GATC: variants seen among roughly 807,000 people sequenced by gnomAD.
GATC encodes glutamyl-tRNA amidotransferase subunit C.
Under a neutral mutation model 14.4 loss-of-function variants are expected in GATC, and 11 were observed. The ratio of observed to expected loss-of-function variants is 0.77; its 90% CI spans 0.48 to 1.27. GATC has a LOEUF of 1.27. Ranked by LOEUF, GATC falls within the 50% of genes most tolerant of loss-of-function variation. The pLI is 0.00. For missense variants in GATC, 204 were observed against 183.0 expected (o/e 1.11, Z -0.66); for synonymous variants, 76 against 79.3 (o/e 0.96, Z 0.22).
intron 3 of GATC, among the ~76,000 whole-genome samples, chr12:120,457,956 C>T (rs115839456): frequency 0.019 from 2,884 of 152,190 alleles, 92 homozygotes; most frequent in African/African-American, 0.065. Context: ...ATGATTCAAA[C>T]GCCATTAGGG....
intron 3 of GATC, among the ~76,000 whole-genome samples, chr12:120,458,921 C>T (rs542810386): frequency 2.0e-5 from 3 of 152,270 alleles, no homozygotes; most frequent in East Asian, 1.9e-4. Context: ...AGTGCAGTGG[C>T]GCGATCTCGG....
chr12:120,451,429 G>A (rs1878040656), intron 2 of GATC, among the ~76,000 whole-genome samples: 1 of 151,944 alleles, frequency 6.6e-6, no homozygotes, highest in Non-Finnish European at 1.5e-5. Flanking sequence ...GGGCGACAGA[G>A]TGAGACTCCG....
intron 2 of GATC, among the ~76,000 whole-genome samples, chr12:120,448,765 C>A (rs1163565874): frequency 6.7e-6 from 1 of 149,644 alleles, no homozygotes; most frequent in African/African-American, 2.5e-5. Flanking sequence ...CTTGCCTCAG[C>A]CTCCCGAGTA....
In GATC at chr12:120,459,895, AT is replaced by A. The variant is rs1804727309; in HGVS notation, c.359-8del. 6.2e-7 allele frequency: 1 copy of A among 1,607,092 alleles called. No homozygotes were observed. Among genetic ancestry groups the A allele is most frequent in the Admixed American group, 1.7e-5 (1 of 59,814 alleles). On this transcript the variant is annotated splice_polypyrimidine_tract_variant and intron_variant, in intron 3 of 3. Transcript: ENST00000551765. ...AAACAAACAAAAATTCTCTTTTGTTATTTTCAAACAGGTAATATCTCTTTGC... is the reference window on the plus strand; with the variant it reads ...AAACAAACAAAAATTCTCTTTTGTTATTTCAAACAGGTAATATCTCTTTGC...
intron 2 of GATC, among the ~76,000 whole-genome samples, chr12:120,449,920 G>A (rs1180604640): frequency 1.3e-5 from 2 of 151,892 alleles, no homozygotes; most frequent in Non-Finnish European, 2.9e-5. Context: ...ACGCCACCAC[G>A]CCCAGCTAAT....
At chr12:120,449,439 GTGTTT>G (rs147739868) in intron 2 of GATC, among the ~76,000 whole-genome samples, 7,124 of 151,902 alleles carry the variant, frequency 0.047, 255 homozygotes, top group South Asian at 0.097. Context: ...TTCAGTAAAT[GTGTTT>G]TGTTTTGTTT....
chr12:120,455,271 C>T (rs952198833), intron 2 of GATC, among the ~76,000 whole-genome samples: 1 of 151,472 alleles, frequency 6.6e-6, no homozygotes, highest in Admixed American at 6.6e-5. Flanking sequence ...TGGGTTCAGG[C>T]GATTCTCCCG....
rs748740658 is a variant in GATC, at chr12:120,446,665, C to T, written c.90C>T (p.Gly30=). 1 of 1,611,424 alleles carries T rather than the reference C, an allele frequency of 6.2e-7. No homozygotes were observed. The highest frequency in any genetic ancestry group is 8.5e-7 in the Non-Finnish European group (1 of 1,178,786). The part of the protein sequence containing the change: ...FTSKADPQGS[G]RITAAVIEHL... Reference sequence around the variant, plus strand: ...CCTCATCCCTCCTCCAGGGCAGTGGCCGGATCACGGCTGCGGTGATCGAGC... The same window carrying T: ...CCTCATCCCTCCTCCAGGGCAGTGGTCGGATCACGGCTGCGGTGATCGAGC... The change falls in exon 2 of 4, where the codon GGC becomes GGT. Residue 30 remains glycine (G), a synonymous_variant. Transcript: ENST00000551765.
Position 120,460,082 on chromosome 12 carries a change from TTTC to T in GATC, c.*126_*128del. On this transcript the variant is annotated 3_prime_UTR_variant, in exon 4 of 4. Transcript: ENST00000551765. ...CCCTGAAAAAATGGATGCTCAAGCATTTCTTAATAACAGATTCTTCTGAAGACA... is the reference window on the plus strand; with the variant it reads ...CCCTGAAAAAATGGATGCTCAAGCATTTAATAACAGATTCTTCTGAAGACA... The T allele has an allele frequency of 1.5e-6, 1 of 684,716 alleles. No homozygotes were observed. Among genetic ancestry groups the T allele is most frequent in the Non-Finnish European group, 2.5e-6 (1 of 392,496 alleles). 42.4% of individuals were successfully genotyped at this position (684,716 alleles called of 1,614,324 possible). A position where few individuals can be genotyped will look rare whatever the true frequency, so the allele number is the denominator to read the frequency against.
intron 2 of GATC, among the ~76,000 whole-genome samples, chr12:120,449,451 G>C (rs1468424666): frequency 6.6e-6 from 1 of 151,632 alleles, no homozygotes; most frequent in African/African-American, 2.4e-5. Context: ...GTTTTGTTTT[G>C]TTTTGTTTTG....
chr12:120,448,843 A>G (rs1377708554), intron 2 of GATC, among the ~76,000 whole-genome samples: 3 of 147,870 alleles, frequency 2.0e-5, no homozygotes, highest in Admixed American at 1.4e-4. Flanking sequence ...ACGGGGTTTC[A>G]CCATGTTGGC....
rs1375389356 is a variant in GATC at position 120,462,211 on chromosome 12, C to G, written c.*2252C>G. Reference sequence around the variant, plus strand: ...AGAGTAAAGGGGAAAAAAATCAGAGCCAGAAGAATAAGCAAACCAACATCT... The same window carrying G: ...AGAGTAAAGGGGAAAAAAATCAGAGGCAGAAGAATAAGCAAACCAACATCT... On this transcript the variant is annotated 3_prime_UTR_variant, in exon 4 of 4. Coordinates refer to ENST00000551765, the MANE Select transcript of GATC (RefSeq NM_176818.3). 1 of 1,554,786 alleles carries G rather than the reference C, an allele frequency of 6.4e-7. No homozygotes were observed. Among genetic ancestry groups the G allele is most frequent in the Non-Finnish European group, 8.7e-7 (1 of 1,146,694 alleles).
In GATC at chr12:120,459,870, A is replaced by T. The variant is rs754602595; in HGVS notation, c.359-37A>T. The T allele has an allele frequency of 3.2e-6, 5 of 1,569,518 alleles. No homozygotes were observed. In the East Asian group the frequency reaches 1.1e-4, roughly 35 times the overall value. On this transcript the variant is annotated intron_variant, in intron 3 of 3. Coordinates refer to ENST00000551765, the MANE Select transcript of GATC (RefSeq NM_176818.3). The stretch of plus-strand genomic sequence containing the variant: ...ACTCTGTCTCAAAACAAAAACAAAC[A>T]AACAAACAAAAATTCTCTTTTGTTA...
chr12:120,449,758 T>C (rs1247451196), intron 2 of GATC, among the ~76,000 whole-genome samples: 1 of 151,616 alleles, frequency 6.6e-6, no homozygotes, highest in Non-Finnish European at 1.5e-5. Context: ...CAGTAAATGT[T>C]TAATGAATTT....
chr12:120,451,812 G>C (rs1878053634), intron 2 of GATC, among the ~76,000 whole-genome samples: 1 of 150,406 alleles, frequency 6.6e-6, no homozygotes, highest in South Asian at 2.1e-4. Flanking sequence ...CTAATAACAT[G>C]TCATTTGGTT....
At chr12:120,455,740 C>T (rs1209651450) in intron 2 of GATC, among the ~76,000 whole-genome samples, 1 of 152,048 alleles carries the variant, frequency 6.6e-6, no homozygotes, top group Non-Finnish European at 1.5e-5. Context: ...GGCTGGAGTG[C>T]AGTGGCGCGA....
chr12:120,449,737 G>A (rs763376177), intron 2 of GATC, among the ~76,000 whole-genome samples: 1 of 148,814 alleles, frequency 6.7e-6, no homozygotes, highest in African/African-American at 2.5e-5. Flanking sequence ...TTGAGCTGCC[G>A]TGCCCGGCCA....
chr12:120,446,619 GCCGGTGAC>G, intron 1 of GATC, 30 bp from the exon 2 acceptor site: 1 of 1,592,804 alleles, frequency 6.3e-7, no homozygotes, highest in Non-Finnish European at 8.6e-7. Flanking sequence ...ACTTCGGAGC[GCCGGTGAC>G]CCACACTCCC....
At position 120,454,919 on chromosome 12, in the gene GATC, ACT is replaced by A. The variant is rs984680048; in HGVS notation, c.255-2154_255-2153del. ...GTGTGTGTGTGTGAGACACTGTCTCACTCTGTCACCCAGGTTGGAGTGCAGTG... is the reference window on the plus strand; with the variant it reads ...GTGTGTGTGTGTGAGACACTGTCTCACTGTCACCCAGGTTGGAGTGCAGTG... On this transcript the variant is annotated intron_variant, in intron 2 of 3. Coordinates refer to ENST00000551765, the MANE Select transcript of GATC (RefSeq NM_176818.3). The A allele has an allele frequency of 1.6e-4, 60 of 385,598 alleles. 1 individual carries two copies. Among genetic ancestry groups the A allele is most frequent in the Non-Finnish European group, 3.0e-4 (56 of 184,920 alleles). 23.9% of individuals were successfully genotyped at this position (385,598 alleles called of 1,614,324 possible).
Sources: gnomAD v4.1 joint callset for allele counts (sites outside exome capture counted in the v4.1 genomes callset) on GRCh38, gnomAD v4.1.1 for gene constraint, MANE v1.5 for transcripts, NCBI Gene and HGNC (gene_info 2026-07-23, HGNC 2026-07-21) for gene names.